Variants in TEX48 observed in about 807,000 individuals in gnomAD.
TEX48 encodes testis-expressed protein 48.
In TEX48, 10 loss-of-function variants were observed where a neutral mutation model predicts 13.2. That is an observed-to-expected ratio of 0.75 (90% CI 0.47 to 1.28). The LOEUF is 1.28. Ranked by LOEUF, TEX48 falls within the 50% of genes most tolerant of loss-of-function variation. TEX48 has a pLI of 0.00. For synonymous variants in TEX48, 45 were observed against 52.3 expected, an observed-to-expected ratio of 0.86 and a Z score of 0.60; for missense variants, 116 against 139.4, an observed-to-expected ratio of 0.83 and a Z score of 0.84.
At chr9:114,674,618 C>T (rs367827636) in intron 1 of TEX48, among the ~76,000 whole-genome samples, 18 of 77,734 alleles carry the variant, frequency 2.3e-4, no homozygotes, top group African/African-American at 9.8e-4. Context: ...TCCTTCCTTC[C>T]TTCCTTCCTT....
intron 1 of TEX48, among the ~76,000 whole-genome samples, chr9:114,679,855 C>A (rs1052743650): frequency 6.6e-6 from 1 of 152,208 alleles, no homozygotes; most frequent in Non-Finnish European, 1.5e-5. Flanking sequence ...CTAGGGTACA[C>A]CTGACCAATT....
intron 1 of TEX48, among the ~76,000 whole-genome samples, chr9:114,676,131 C>A (rs1352762031): frequency 6.6e-6 from 1 of 152,132 alleles, no homozygotes; most frequent in East Asian, 1.9e-4. Context: ...AGTCTGGATA[C>A]TAGTTCATGA....
At chr9:114,666,871 G>C (rs1194205341) in intron 4 of TEX48, 125 bp from the exon 5 acceptor site, 1 of 605,976 alleles carries the variant, frequency 1.7e-6, no homozygotes, top group East Asian at 2.8e-5. Context: ...AGGGACCCAA[G>C]GCAGACCCTA....
chr9:114,671,833 T>A lies in TEX48; in HGVS notation c.-104-6A>T. 1 of 1,232,504 alleles carries A rather than the reference T, an allele frequency of 8.1e-7. No homozygotes were observed. Among genetic ancestry groups the A allele is most frequent in the Non-Finnish European group, 1.1e-6 (1 of 871,520 alleles). 76.3% of individuals were successfully genotyped at this position (1,232,504 alleles called of 1,614,324 possible). On this transcript the variant is annotated splice_region_variant and splice_polypyrimidine_tract_variant and intron_variant, in intron 1 of 4. Transcript: ENST00000436752. ...TCACTGGGCTGGGCTGTTTCCTAAG[T>A]AAACATAAGACCGTGGCTGAAAAAT...
chr9:114,677,154 T>C (rs1336182828), intron 1 of TEX48, among the ~76,000 whole-genome samples: 1 of 152,192 alleles, frequency 6.6e-6, no homozygotes, highest in Non-Finnish European at 1.5e-5. Context: ...TGTGGATTTT[T>C]TGGTCAAAGT....
chr9:114,673,401 G>A (rs12685463), intron 1 of TEX48, among the ~76,000 whole-genome samples: 18,898 of 150,168 alleles, frequency 0.13, 1,419 homozygotes, highest in East Asian at 0.22. Context: ...AACCCTGGAG[G>A]CGGAGGTTGT....
intron 1 of TEX48, among the ~76,000 whole-genome samples, chr9:114,674,063 C>T (rs1012751492): frequency 2.0e-5 from 3 of 152,158 alleles, no homozygotes; most frequent in African/African-American, 7.2e-5. Flanking sequence ...ACATTGGCCT[C>T]AAAAGGTGCT....
At chr9:114,677,957 C>T (rs1028565880) in intron 1 of TEX48, among the ~76,000 whole-genome samples, 5 of 151,786 alleles carry the variant, frequency 3.3e-5, no homozygotes, top group Non-Finnish European at 5.9e-5. Flanking sequence ...GGAAAAACTC[C>T]GTATATATAC....
chr9:114,674,181 C>T (rs929648884), intron 1 of TEX48, among the ~76,000 whole-genome samples: 6 of 152,108 alleles, frequency 3.9e-5, no homozygotes, highest in South Asian at 2.1e-4. Flanking sequence ...CCAAAGTTCT[C>T]ACCTGGGTCT....
intron 1 of TEX48, 48 bp from the exon 2 acceptor site, chr9:114,671,875 T>A: frequency 1.3e-6 from 1 of 790,988 alleles, no homozygotes; most frequent in Non-Finnish European, 2.1e-6. Context: ...CCTTCACCTG[T>A]GTTCACACTC....
In TEX48 at chr9:114,671,781, T is replaced by C. The variant is rs1386906176; in HGVS notation, c.-58A>G. On this transcript the variant is annotated 5_prime_UTR_variant, in exon 2 of 5. Coordinates refer to ENST00000436752, the MANE Select transcript of TEX48 (RefSeq NM_001199233.2). ...TTGTCTGCAGGGGTGCCTTGTTGAA[T>C]CAGCCAGTCTTGAGTTTGAGCCCAG... 2.6e-6 allele frequency: 4 copies of C among 1,531,846 alleles called. No individual in the cohort carries two copies. The East Asian group carries it at 9.8e-5, about 37-fold the overall frequency. The allele number at this position is 1,531,846 out of a possible 1,614,324, so 94.9% of individuals were successfully genotyped here.
rs1827877247 is a variant in TEX48 at position 114,668,190 on chromosome 9, C to A, written c.259+16G>T. ...GGAGTTTCTGGTCAGTGTTAGGACCCCAATTTGGGACTCACCCTCAAACTC... is the reference window on the plus strand; with the variant it reads ...GGAGTTTCTGGTCAGTGTTAGGACCACAATTTGGGACTCACCCTCAAACTC... On this transcript the variant is annotated intron_variant, in intron 4 of 4. Transcript: ENST00000436752. 6.5e-7 allele frequency: 1 copy of A among 1,535,388 alleles called. No homozygotes were observed. Among genetic ancestry groups the A allele is most frequent in the Admixed American group, 2.0e-5 (1 of 50,972 alleles).
chr9:114,668,297 G>A lies in TEX48; in HGVS notation c.168C>T (p.Pro56=). ...LQKDELDRQN[P]KRINAVSHLP... ...AATGGGAGACTGCGTTAATGCGCTTGGGATTTTGTCTGTCAAGCTCATCCT... is the reference window on the plus strand; with the variant it reads ...AATGGGAGACTGCGTTAATGCGCTTAGGATTTTGTCTGTCAAGCTCATCCT... Residue 56 remains proline, a synonymous_variant, in exon 4 of 5, where the codon CCC becomes CCT. Transcript: ENST00000436752. The A allele has an allele frequency of 6.5e-7, 1 of 1,535,658 alleles. No individual in the cohort carries two copies. The highest frequency in any genetic ancestry group is 8.7e-7 in the Non-Finnish European group (1 of 1,146,866).
At chr9:114,672,499 T>C (rs146306626) in intron 1 of TEX48, among the ~76,000 whole-genome samples, 89 of 152,346 alleles carry the variant, frequency 5.8e-4, no homozygotes, top group Middle Eastern at 3.4e-3. Context: ...AGGAAATTCT[T>C]ATCATGGTAT....
chr9:114,678,882 A>G (rs1457076463), intron 1 of TEX48, among the ~76,000 whole-genome samples: 2 of 151,600 alleles, frequency 1.3e-5, no homozygotes, highest in Non-Finnish European at 2.9e-5. Context: ...AACAATGGGG[A>G]AAATGTTTAA....
At chr9:114,673,044 A>G (rs1283493698) in intron 1 of TEX48, among the ~76,000 whole-genome samples, 4 of 152,212 alleles carry the variant, frequency 2.6e-5, no homozygotes, top group South Asian at 2.1e-4. Context: ...ACCAAGCTGT[A>G]TAACATACGC....
intron 1 of TEX48, among the ~76,000 whole-genome samples, chr9:114,680,015 A>T (rs1424898389): frequency 6.6e-6 from 1 of 152,142 alleles, no homozygotes; most frequent in Non-Finnish European, 1.5e-5. Flanking sequence ...CCAAAGAAAA[A>T]GCAGCCTGGC....
intron 1 of TEX48, among the ~76,000 whole-genome samples, chr9:114,676,621 T>C (rs987933004): frequency 2.2e-4 from 5 of 22,300 alleles, no homozygotes; most frequent in Admixed American, 1.4e-3. Context: ...TTTTATTCAC[T>C]TTTTTTTTTT....
At chr9:114,669,967 G>T (rs1407141900) in intron 3 of TEX48, among the ~76,000 whole-genome samples, 1 of 152,162 alleles carries the variant, frequency 6.6e-6, no homozygotes, top group Non-Finnish European at 1.5e-5. Flanking sequence ...GAACAACAAA[G>T]AATTTTGTCA....
Sources: gnomAD v4.1 joint callset for allele counts (sites outside exome capture counted in the v4.1 genomes callset) on GRCh38, gnomAD v4.1.1 for gene constraint, MANE v1.5 for transcripts, NCBI Gene and HGNC (gene_info 2026-07-23, HGNC 2026-07-21) for gene names.